PDE3B: variants seen among roughly 807,000 people sequenced by gnomAD.
PDE3B encodes cGMP-inhibited 3',5'-cyclic phosphodiesterase 3B.
Under a neutral mutation model 116.8 loss-of-function variants are expected in PDE3B, and 66 were observed. The observed-to-expected ratio is 0.56, with a 90% CI of 0.46 to 0.69. PDE3B has a LOEUF of 0.69. Ranked by LOEUF, PDE3B falls within the 30% of genes least tolerant of loss-of-function variation. PDE3B has a pLI of 0.00. For missense variants in PDE3B, 1,384 were observed against 1,368.1 expected, an observed-to-expected ratio of 1.01 and a Z score of -0.18; for synonymous variants, 595 against 533.6, an observed-to-expected ratio of 1.12 and a Z score of -1.59.
chr11:14,670,824 C>T (rs1226691922), intron 1 of PDE3B, among the ~76,000 whole-genome samples: 2 of 151,926 alleles, frequency 1.3e-5, no homozygotes, highest in Non-Finnish European at 2.9e-5. Flanking sequence ...TCCTAACTAC[C>T]TTCCAACAAT....
At chr11:14,693,249 G>A (rs1855098910) in intron 1 of PDE3B, among the ~76,000 whole-genome samples, 1 of 152,190 alleles carries the variant, frequency 6.6e-6, no homozygotes, top group Non-Finnish European at 1.5e-5. Flanking sequence ...AAAAGTGCAA[G>A]GTGAAGCAGC....
intron 1 of PDE3B, among the ~76,000 whole-genome samples, chr11:14,746,468 G>T (rs1856913859): frequency 6.6e-6 from 1 of 152,162 alleles, no homozygotes; most frequent in Admixed American, 6.5e-5. Flanking sequence ...CACATTAAAT[G>T]AGTTGTTGAT....
chr11:14,673,438 T>G (rs1388166656), intron 1 of PDE3B, among the ~76,000 whole-genome samples: 1 of 152,162 alleles, frequency 6.6e-6, no homozygotes, highest in African/African-American at 2.4e-5. Context: ...ATTACCCCTT[T>G]TATTTTCTTT....
intron 1 of PDE3B, among the ~76,000 whole-genome samples, chr11:14,703,357 AAAAT>A (rs1216212548): frequency 1.3e-5 from 2 of 151,930 alleles, no homozygotes; most frequent in Non-Finnish European, 1.5e-5. Context: ...GTATAAAGAA[AAAAT>A]ATGCTTGCAA....
intron 1 of PDE3B, among the ~76,000 whole-genome samples, chr11:14,722,257 A>T (rs1262989933): frequency 6.6e-6 from 1 of 152,084 alleles, no homozygotes; most frequent in South Asian, 2.1e-4. Context: ...ACATGTATAC[A>T]TATGTAACAA....
chr11:14,794,605 T>A (rs1208629339), intron 4 of PDE3B, among the ~76,000 whole-genome samples: 1 of 152,140 alleles, frequency 6.6e-6, no homozygotes, highest in Non-Finnish European at 1.5e-5. Flanking sequence ...TGAGACACCA[T>A]GCCCAGCCTA....
intron 7 of PDE3B, among the ~76,000 whole-genome samples, chr11:14,825,937 A>G (rs1346296160): frequency 6.6e-6 from 1 of 152,230 alleles, no homozygotes; most frequent in Admixed American, 6.5e-5. Flanking sequence ...CCACAGTGCA[A>G]TAAAGATAGA....
chr11:14,778,582 C>T (rs1857866675), intron 2 of PDE3B, among the ~76,000 whole-genome samples: 1 of 152,140 alleles, frequency 6.6e-6, no homozygotes, highest in South Asian at 2.1e-4. Flanking sequence ...CAGCAAACTC[C>T]AACAGACCTG....
rs753667014 is a variant in PDE3B at position 14,771,991 on chromosome 11, A to C, written c.1029+4A>C. 3 of 1,153,284 alleles carry C rather than the reference A, an allele frequency of 2.6e-6. No individual in the cohort carries two copies. Among genetic ancestry groups the C allele is most frequent in the Non-Finnish European group, 3.7e-6 (3 of 806,370 alleles). 71.4% of individuals were successfully genotyped at this position (1,153,284 alleles called of 1,614,324 possible). A position where few individuals can be genotyped will look rare whatever the true frequency, so the allele number is the denominator to read the frequency against. On this transcript the variant is annotated splice_donor_region_variant and intron_variant, in intron 2 of 15. Transcript: ENST00000282096. ...ATGGTATAAGCCTCATTATCAAGTA[A>C]GTATAATTAATATCTGTGATGAATA...
At position 14,644,671 on chromosome 11, in the gene PDE3B, T is replaced by A; in HGVS notation, c.596T>A (p.Leu199Gln). Reference protein sequence around the residue: ...PPEAAAGRLLLVLSCVGLLLT... With the variant: ...PPEAAAGRLLQVLSCVGLLLT... ...GAGGCGGCAGCGGGCAGGTTGCTGC[T>A]GGTGCTGAGCTGCGTAGGGCTGCTG... Residue 199 changes from leucine to glutamine, a missense_variant, in exon 1 of 16, where the codon CTG (leucine) becomes CAG (glutamine). Physicochemically the swap from Leu to Gln is moderately radical, Grantham distance 113. This residue lies in a region of PDE3B where 956 missense variants were observed against 806.8 expected (regional missense o/e 1.18). Transcript: ENST00000282096. 1 of 1,500,588 alleles carries A rather than the reference T, an allele frequency of 6.7e-7. No homozygotes were observed. The highest frequency in any genetic ancestry group is 2.4e-5 in the East Asian group (1 of 40,976). 93.0% of individuals were successfully genotyped at this position (1,500,588 alleles called of 1,614,324 possible).
intron 13 of PDE3B, among the ~76,000 whole-genome samples, chr11:14,860,926 C>T (rs1015507576): frequency 2.4e-4 from 37 of 151,704 alleles, no homozygotes; most frequent in Non-Finnish European, 1.3e-4. Flanking sequence ...TATATACACA[C>T]ACACACACAC....
intron 1 of PDE3B, among the ~76,000 whole-genome samples, chr11:14,730,470 A>G (rs527410369): frequency 3.3e-4 from 51 of 152,294 alleles, no homozygotes; most frequent in South Asian, 1.0e-3. Context: ...TCTTTTATAA[A>G]TTCTTTTAAC....
chr11:14,760,381 C>T (rs1857325355), intron 1 of PDE3B, among the ~76,000 whole-genome samples: 1 of 152,174 alleles, frequency 6.6e-6, no homozygotes, highest in African/African-American at 2.4e-5. Context: ...TGCGTACTCA[C>T]TGTGCTAGAT....
the PDE3B span, chr11:14,892,254 A>G: frequency 6.5e-7 from 1 of 1,546,290 alleles, no homozygotes; most frequent in Non-Finnish European, 8.8e-7. Flanking sequence ...AGACCCAGGC[A>G]CTCCCTCCAG....
chr11:14,730,120 T>G (rs1448520553), intron 1 of PDE3B, among the ~76,000 whole-genome samples: 1 of 152,192 alleles, frequency 6.6e-6, no homozygotes, highest in Non-Finnish European at 1.5e-5. Flanking sequence ...CAATGAATGC[T>G]GTCTCTTCCA....
chr11:14,753,064 T>G (rs536384424), intron 1 of PDE3B, among the ~76,000 whole-genome samples: 3 of 151,992 alleles, frequency 2.0e-5, no homozygotes, highest in Non-Finnish European at 4.4e-5. Context: ...TTGTCAGGAG[T>G]CTAGGATCCC....
intron 13 of PDE3B, among the ~76,000 whole-genome samples, chr11:14,860,458 C>T (rs1847928462): frequency 6.6e-6 from 1 of 151,858 alleles, no homozygotes; most frequent in Non-Finnish European, 1.5e-5. Flanking sequence ...TCATTCTTTT[C>T]ATTTTTTACA....
chr11:14,661,806 G>A (rs1274776818), intron 1 of PDE3B, among the ~76,000 whole-genome samples: 1 of 152,226 alleles, frequency 6.6e-6, no homozygotes, highest in East Asian at 1.9e-4. Context: ...CAGCAGGTAA[G>A]CTCGAACTGG....
intron 2 of PDE3B, among the ~76,000 whole-genome samples, chr11:14,782,716 T>C (rs1463941111): frequency 2.0e-5 from 3 of 152,178 alleles, no homozygotes; most frequent in Admixed American, 2.0e-4. Flanking sequence ...ACTTCATGGC[T>C]AAAACACCAA....
Sources: gnomAD v4.1 joint callset for allele counts (sites outside exome capture counted in the v4.1 genomes callset) on GRCh38, gnomAD v4.1.1 for gene constraint, gnomAD v4.1.1 regional missense constraint, MANE v1.5 for transcripts, NCBI Gene and HGNC (gene_info 2026-07-23, HGNC 2026-07-21) for gene names.